Variants in ATP6V0A4 observed in about 807,000 individuals in gnomAD.
ATP6V0A4 encodes V-type proton ATPase 116 kDa subunit a 4.
In ATP6V0A4, 86 loss-of-function variants were observed where a neutral mutation model predicts 107.3. The observed-to-expected ratio is 0.80, with a 90% confidence interval of 0.67 to 0.96. The LOEUF (loss-of-function observed/expected upper bound fraction) is 0.96, where lower values mean the gene tolerates loss of function less well. Among genes scored for constraint, ATP6V0A4 ranks in the 40% least tolerant of loss-of-function variants. ATP6V0A4 has a pLI of 0.00. For synonymous variants in ATP6V0A4, 353 were observed against 381.4 expected (o/e 0.93, Z 0.87); for missense variants, 908 against 1,045.6 (o/e 0.87, Z 1.81).
chr7:138,795,226 A>G (rs1808601982), intron 1 of ATP6V0A4, among the ~76,000 whole-genome samples: 1 of 152,158 alleles, frequency 6.6e-6, no homozygotes, highest in African/African-American at 2.4e-5. Flanking sequence ...TTCGAATAAC[A>G]AAGTTCTTCC....
At chr7:138,769,002 G>A (rs1807231132) in intron 4 of ATP6V0A4, 128 bp from the exon 5 acceptor site, 3 of 1,570,174 alleles carry the variant, frequency 1.9e-6, no homozygotes, top group Non-Finnish European at 2.6e-6. Flanking sequence ...AGCTGCCACA[G>A]CACCTGGATC....
In ATP6V0A4 at chr7:138,749,257, G is replaced by A; in HGVS notation, c.1090C>T (p.Pro364Ser). The A allele has an allele frequency of 6.2e-7, 1 of 1,613,996 alleles. No individual in the cohort carries two copies. The change falls in exon 12 of 22, where the codon CCC (proline) becomes TCC (serine). Residue 364 changes from proline (P) to serine (S), a missense_variant. By Grantham distance (74) the Pro-to-Ser change is moderately conservative. Coordinates refer to ENST00000310018, the MANE Select transcript of ATP6V0A4 (RefSeq NM_020632.3). ...MTTVQSKTAP[P>S]TFNRTNKFTA... ...AATTTATTGGTCCTGTTAAATGTGGGAGGGGCTGTTTTAGATTGCACTGTG... is the reference window on the plus strand; with the variant it reads ...AATTTATTGGTCCTGTTAAATGTGGAAGGGGCTGTTTTAGATTGCACTGTG...
intron 19 of ATP6V0A4, among the ~76,000 whole-genome samples, chr7:138,718,393 GAGACGTCCAGGAAGGAA>G (rs1804218581): frequency 7.6e-6 from 1 of 130,892 alleles, no homozygotes; most frequent in African/African-American, 3.0e-5. Context: ...TCTGTGGAGG[GAGACGTCCAGGAAGGAA>G]GGGGGGGCGT....
Position 138,755,703 on chromosome 7 carries a change from C to G in ATP6V0A4, c.802G>C (p.Glu268Gln), listed in dbSNP as rs758034896. 4 of 1,613,906 alleles carry G rather than the reference C, an allele frequency of 2.5e-6. No individual in the cohort carries two copies. Among genetic ancestry groups the G allele is most frequent in the Non-Finnish European group, 2.5e-6 (3 of 1,180,028 alleles). Residue 268 changes from glutamate (E) to glutamine (Q), a missense_variant, in exon 10 of 22, where the codon GAA becomes CAA. Physicochemically the swap from Glu to Gln is conservative, Grantham distance 29. Transcript: ENST00000310018. ...EMLESVNVRLEDLITVITQTE... is the reference protein window; with the variant it reads ...EMLESVNVRLQDLITVITQTE... The stretch of plus-strand genomic sequence containing the variant: ...CCCTCACTCACGGTGATTAAATCTT[C>G]CAGCCTCACATTGACGCTCTCCAAC...
intron 2 of ATP6V0A4, among the ~76,000 whole-genome samples, chr7:138,772,092 T>A (rs566290135): frequency 3.3e-5 from 5 of 152,352 alleles, no homozygotes; most frequent in South Asian, 2.1e-4. Flanking sequence ...ATAGTTTTTG[T>A]CATCAGAATG....
At chr7:138,758,882 C>G (rs1432510143) in intron 8 of ATP6V0A4, among the ~76,000 whole-genome samples, 2 of 149,518 alleles carry the variant, frequency 1.3e-5, no homozygotes, top group South Asian at 4.3e-4. Flanking sequence ...TCGCAAGTAG[C>G]TGGCACTACA....
intron 17 of ATP6V0A4, among the ~76,000 whole-genome samples, chr7:138,729,357 T>C (rs1261326222): frequency 1.3e-5 from 2 of 152,142 alleles, no homozygotes; most frequent in East Asian, 3.8e-4. Context: ...TTATCTGAGC[T>C]CTCTTGCTCC....
At chr7:138,792,543 A>T (rs555542079) in intron 1 of ATP6V0A4, among the ~76,000 whole-genome samples, 122 of 152,282 alleles carry the variant, frequency 8.0e-4, no homozygotes, top group African/African-American at 2.4e-3. Flanking sequence ...AGAGAAAAGG[A>T]ACATAAGCTA....
chr7:138,781,246 G>T (rs544870394), intron 2 of ATP6V0A4, among the ~76,000 whole-genome samples: 1 of 152,118 alleles, frequency 6.6e-6, no homozygotes, highest in Non-Finnish European at 1.5e-5. Context: ...TTATGAACAG[G>T]TATGGAGAAA....
Position 138,762,408 on chromosome 7 carries a change from G to C in ATP6V0A4, c.444C>G (p.Phe148Leu), listed in dbSNP as rs764761203. 3.7e-6 allele frequency: 6 copies of C among 1,614,146 alleles called. No homozygotes were observed. Among genetic ancestry groups the C allele is most frequent in the Non-Finnish European group, 5.1e-6 (6 of 1,180,024 alleles). Residue 148 changes from phenylalanine (F) to leucine (L), a missense_variant, in exon 7 of 22, where the codon TTC (phenylalanine) becomes TTG (leucine). Transcript: ENST00000310018. ...GGAGGCCAGAAGTGTCCTCAGTAAA[G>C]AAATCATCAGCTAAATTGGTTTCCG... ...FETETNLADD[F>L]FTEDTSGLLE... is the part of the protein sequence containing the mutation.
chr7:138,771,399 A>AAT, intron 2 of ATP6V0A4, 135 bp from the exon 3 acceptor site: 5 of 927,836 alleles, frequency 5.4e-6, no homozygotes, highest in Non-Finnish European at 4.5e-6. Context: ...ATTTTAGGAG[A>AAT]CTTTTTTTTT....
intron 2 of ATP6V0A4, among the ~76,000 whole-genome samples, chr7:138,780,454 T>C (rs1308963481): frequency 6.6e-6 from 1 of 152,126 alleles, no homozygotes; most frequent in Non-Finnish European, 1.5e-5. Flanking sequence ...CATGGACTGG[T>C]ACCAGTCTAT....
intron 11 of ATP6V0A4, among the ~76,000 whole-genome samples, chr7:138,750,739 C>A (rs1806181267): frequency 6.6e-6 from 1 of 152,058 alleles, no homozygotes; most frequent in Non-Finnish European, 1.5e-5. Context: ...CCAGGACGCA[C>A]CCCCGCCCTG....
At chr7:138,742,900 C>CA (rs563017805) in intron 14 of ATP6V0A4, among the ~76,000 whole-genome samples, 36,101 of 131,528 alleles carry the variant, frequency 0.27, 5,288 homozygotes, top group African/African-American at 0.35. Context: ...AATTGCAAAG[C>CA]AAAAAAAAAA....
intron 19 of ATP6V0A4, 112 bp downstream of exon 19, chr7:138,721,785 C>A: frequency 8.1e-7 from 1 of 1,229,530 alleles, no homozygotes; most frequent in South Asian, 1.3e-5. Flanking sequence ...TCAGCAGTGA[C>A]AGGGCTACTG....
intron 18 of ATP6V0A4, among the ~76,000 whole-genome samples, chr7:138,727,194 G>A (rs1804768241): frequency 6.6e-6 from 1 of 151,682 alleles, no homozygotes; most frequent in African/African-American, 2.4e-5. Flanking sequence ...CAAGAGGATG[G>A]CTTGAGCCCG....
chr7:138,757,758 G>A (rs1265096759), intron 8 of ATP6V0A4, among the ~76,000 whole-genome samples: 1 of 152,188 alleles, frequency 6.6e-6, no homozygotes, highest in East Asian at 1.9e-4. Context: ...GCATAAAGAT[G>A]CTCATCATGG....
chr7:138,750,712 C>A lies in ATP6V0A4; in HGVS notation c.1030-1395G>T, dbSNP rs535809293. Among the ~76,000 whole-genome samples the A allele has an allele frequency of 5.3e-5, 8 of 152,342 alleles. No individual in the cohort carries two copies. In the South Asian group the frequency reaches 1.5e-3, roughly 28 times the overall value. On this transcript the variant is annotated intron_variant, in intron 11 of 21. Transcript: ENST00000310018. ...CCCCGGCCAGCCTCCCAGCGCTCTG[C>A]GCATGCATCACTTCCTCCAGGACGC... is the stretch of plus-strand genomic sequence containing the variant.
chr7:138,745,668 A>AAAAAAAAAAAAAAAAAAAAAAAT (rs1163814120), intron 13 of ATP6V0A4, among the ~76,000 whole-genome samples: 1 of 141,274 alleles, frequency 7.1e-6, no homozygotes, highest in Non-Finnish European at 1.5e-5. Flanking sequence ...CAAAAAAAAA[A>AAAAAAAAAAAAAAAAAAAAAAAT]AAAGGCCGGG....
Sources: gnomAD v4.1 joint callset for allele counts (sites outside exome capture counted in the v4.1 genomes callset) on GRCh38, gnomAD v4.1.1 for gene constraint, MANE v1.5 for transcripts, NCBI Gene and HGNC (gene_info 2026-07-23, HGNC 2026-07-21) for gene names.